The following ZNF407 variants were observed in gnomAD, a reference collection of about 807,000 sequenced individuals.
The protein encoded by ZNF407 is zinc finger protein 407.
Under a neutral mutation model 131.2 loss-of-function variants are expected in ZNF407, and 17 were observed. The observed-to-expected ratio is 0.13, with a 90% CI of 0.09 to 0.19. The LOEUF is 0.19. ZNF407 is among the 10% of genes least tolerant of loss of function. The pLI is 1.00. For missense variants in ZNF407, 2,681 were observed against 2,830.6 expected (o/e 0.95, Z 1.20); for synonymous variants, 1,156 against 1,062.0 (o/e 1.09, Z -1.72).
chr18:74,904,312 TCTC>T (rs1409938466), intron 7 of ZNF407, among the ~76,000 whole-genome samples: 3 of 152,206 alleles, frequency 2.0e-5, no homozygotes, highest in African/African-American at 7.2e-5. Flanking sequence ...CACTTTCTCT[TCTC>T]CTTCTTTATA....
intron 8 of ZNF407, among the ~76,000 whole-genome samples, chr18:74,977,025 T>C (rs1231167223): frequency 6.6e-6 from 1 of 152,232 alleles, no homozygotes; most frequent in South Asian, 2.1e-4. Context: ...GAGAAAAGGA[T>C]TGCTGTATCC....
chr18:74,738,286 G>A (rs1030879168), intron 3 of ZNF407, among the ~76,000 whole-genome samples: 12 of 151,844 alleles, frequency 7.9e-5, no homozygotes, highest in South Asian at 6.2e-4. Context: ...CAGGTGTGGC[G>A]GTGCGTGCCT....
intron 8 of ZNF407, among the ~76,000 whole-genome samples, chr18:74,936,169 A>T (rs796537143): frequency 7.9e-5 from 12 of 152,334 alleles, no homozygotes; most frequent in African/African-American, 2.9e-4. Context: ...TTAAATTTTT[A>T]AATATCTTTT....
At chr18:74,968,605 C>G (rs1972435883) in intron 8 of ZNF407, among the ~76,000 whole-genome samples, 1 of 152,174 alleles carries the variant, frequency 6.6e-6, no homozygotes, top group Non-Finnish European at 1.5e-5. Flanking sequence ...TTAGCAGGTG[C>G]CTCTTTCGTC....
At chr18:75,020,315 CATGTGT>C (rs914979281) in intron 8 of ZNF407, among the ~76,000 whole-genome samples, 5 of 43,318 alleles carry the variant, frequency 1.2e-4, no homozygotes, top group Admixed American at 9.2e-4. Flanking sequence ...TGTGTATGTG[CATGTGT>C]GTGTGTGTGT....
chr18:74,842,715 A>G (rs917861959), intron 4 of ZNF407, among the ~76,000 whole-genome samples: 4 of 151,798 alleles, frequency 2.6e-5, no homozygotes, highest in African/African-American at 9.7e-5. Flanking sequence ...CTTTTCGGCT[A>G]TGCTATTTAT....
chr18:75,037,406 C>T (rs1416057872), intron 8 of ZNF407, among the ~76,000 whole-genome samples: 1 of 152,006 alleles, frequency 6.6e-6, no homozygotes, highest in East Asian at 1.9e-4. Context: ...GTGTTGCTGA[C>T]AGACTAGGGG....
intron 1 of ZNF407, among the ~76,000 whole-genome samples, chr18:74,621,704 T>A (rs1355227427): frequency 6.6e-6 from 1 of 152,192 alleles, no homozygotes; most frequent in Non-Finnish European, 1.5e-5. Flanking sequence ...CTTCCACTAT[T>A]TTCTGTCCCT....
chr18:74,663,820 C>T (rs1042962037), intron 3 of ZNF407, among the ~76,000 whole-genome samples: 6 of 152,066 alleles, frequency 3.9e-5, no homozygotes, highest in South Asian at 2.1e-4. Flanking sequence ...AGGTACACAC[C>T]GTCATTGCAT....
At position 74,635,326 on chromosome 18, in the gene ZNF407, A is replaced by G; in HGVS notation, c.4307A>G (p.Lys1436Arg). Residue 1436 changes from lysine (K) to arginine (R), a missense_variant, in exon 2 of 9, where the codon AAG becomes AGG. Transcript: ENST00000299687. The surrounding 1 kb of genome is among the most constrained non-coding windows in gnomAD (Gnocchi z 4.7). ...LSGLNVHIAM[K>R]HPTKEKHFHC... Reference sequence around the variant, plus strand: ...GGACTGAATGTTCACATAGCCATGAAGCATCCTACAAAAGAGAAGCACTTC... The same window carrying G: ...GGACTGAATGTTCACATAGCCATGAGGCATCCTACAAAAGAGAAGCACTTC... The G allele has an allele frequency of 6.2e-7, 1 of 1,614,026 alleles. No individual in the cohort carries two copies. The highest frequency in any genetic ancestry group is 8.5e-7 in the Non-Finnish European group (1 of 1,179,898).
intron 3 of ZNF407, among the ~76,000 whole-genome samples, chr18:74,770,823 A>G (rs1271312580): frequency 3.3e-5 from 5 of 152,134 alleles, no homozygotes; most frequent in African/African-American, 9.7e-5. Context: ...ATTTTATAAT[A>G]TCTAAAAGGT....
Position 74,759,175 on chromosome 18 carries a change from G to A in ZNF407, c.4803-22253G>A, listed in dbSNP as rs141354381. Among the ~76,000 whole-genome samples the A allele has an allele frequency of 3.7e-3, 556 of 151,928 alleles. 1 individual carries two copies. Among genetic ancestry groups the A allele is most frequent in the Non-Finnish European group, 4.3e-3 (295 of 67,946 alleles). On this transcript the variant is annotated intron_variant, in intron 3 of 8. Coordinates refer to ENST00000299687, the MANE Select transcript of ZNF407 (RefSeq NM_017757.3). ...TGAATATGTCATCCCCCTGCCTTCT[G>A]ACTTGCATAGTTTGTGTGGAGATGT...
intron 3 of ZNF407, among the ~76,000 whole-genome samples, chr18:74,764,109 A>T (rs1230362282): frequency 6.6e-6 from 1 of 151,646 alleles, no homozygotes; most frequent in South Asian, 2.1e-4. Context: ...TTTGTTTGCA[A>T]TTCGTTGACC....
chr18:74,768,843 C>G (rs1255264927), intron 3 of ZNF407, among the ~76,000 whole-genome samples: 1 of 152,104 alleles, frequency 6.6e-6, no homozygotes, highest in Non-Finnish European at 1.5e-5. Context: ...TAAATTTCAT[C>G]ACTATTTATT....
At chr18:75,035,596 C>A (rs1568307697) in intron 8 of ZNF407, among the ~76,000 whole-genome samples, 1 of 152,286 alleles carries the variant, frequency 6.6e-6, no homozygotes, top group East Asian at 1.9e-4. Context: ...ATCTGCCAGC[C>A]AGCAGTCATG....
intron 8 of ZNF407, among the ~76,000 whole-genome samples, chr18:74,978,723 A>G (rs551852874): frequency 1.6e-4 from 25 of 152,044 alleles, no homozygotes; most frequent in Non-Finnish European, 3.4e-4. Context: ...CAGGCATCTA[A>G]TAGTCTCCTG....
At position 74,632,168 on chromosome 18, in the gene ZNF407, C is replaced by A. The variant is rs769719263; in HGVS notation, c.1149C>A (p.Asp383Glu). ...QNPENQSRKL[D>E]TLVTSEGLLE... ...CTGAAAACCAGAGTAGAAAGCTAGA[C>A]ACCTTAGTAACCTCAGAGGGTCTCT... Residue 383 changes from aspartate (D) to glutamate (E), a missense_variant, in exon 2 of 9, where the codon GAC becomes GAA. Physicochemically the swap from Asp to Glu is conservative, Grantham distance 45 (BLOSUM62 2). This residue lies in a region of ZNF407 where 1,789 missense variants were observed against 1,748.7 expected (regional missense o/e 1.02). Coordinates refer to ENST00000299687, the MANE Select transcript of ZNF407 (RefSeq NM_017757.3). 6.2e-7 allele frequency: 1 copy of A among 1,613,842 alleles called. No individual in the cohort carries two copies. Among genetic ancestry groups the A allele is most frequent in the African/African-American group, 1.3e-5 (1 of 74,904 alleles).
intron 3 of ZNF407, among the ~76,000 whole-genome samples, chr18:74,689,977 G>A (rs1015148201): frequency 3.3e-5 from 5 of 152,120 alleles, no homozygotes; most frequent in African/African-American, 4.8e-5. Context: ...ATAGGAAAAT[G>A]TGGAAACAGA....
In ZNF407 at chr18:74,631,725, C is replaced by G. The variant is rs1274510948; in HGVS notation, c.706C>G (p.Gln236Glu). Residue 236 changes from glutamine (Q) to glutamate (E), a missense_variant, in exon 2 of 9, where the codon CAA (glutamine) becomes GAA (glutamate). By Grantham distance (29) the Gln-to-Glu change is conservative. Transcript: ENST00000299687. ...SSSALHMHIKQAHGPQKVFSC... is the reference protein window; with the variant it reads ...SSSALHMHIKEAHGPQKVFSC... ...CTCAGCACTACATATGCATATCAAA[C>G]AAGCACATGGGCCACAGAAGGTCTT... The G allele has an allele frequency of 6.2e-7, 1 of 1,614,032 alleles. No individual in the cohort carries two copies. The highest frequency in any genetic ancestry group is 8.5e-7 in the Non-Finnish European group (1 of 1,179,906).
Sources: gnomAD v4.1 joint callset for allele counts (sites outside exome capture counted in the v4.1 genomes callset) on GRCh38, gnomAD v4.1.1 for gene constraint, gnomAD v4.1.1 regional missense constraint, Gnocchi (gnomAD v3.1) non-coding constraint, MANE v1.5 for transcripts, NCBI Gene and HGNC (gene_info 2026-07-23, HGNC 2026-07-21) for gene names.